The following ECD variants were observed in gnomAD, a reference collection of about 807,000 sequenced individuals.
ECD encodes ecdysoneless cell cycle regulator.
A neutral mutation model predicts 77.2 loss-of-function variants in ECD; 59 were observed. The observed-to-expected ratio is 0.76, with a 90% CI of 0.62 to 0.95. The LOEUF is 0.95. ECD is among the 40% of genes least tolerant of loss of function. The pLI is 0.00. For missense variants in ECD, 704 were observed against 763.4 expected (o/e 0.92, Z 0.92); for synonymous variants, 233 against 267.4 (o/e 0.87, Z 1.26).
chr10:73,146,004 T>C (rs1469321139), intron 9 of ECD, among the ~76,000 whole-genome samples: 1 of 151,834 alleles, frequency 6.6e-6, no homozygotes, highest in Non-Finnish European at 1.5e-5. Flanking sequence ...GAAAATGTGA[T>C]ATCATGATGA....
chr10:73,166,183 G>T (rs1239314049), intron 1 of ECD, among the ~76,000 whole-genome samples: 3 of 151,548 alleles, frequency 2.0e-5, no homozygotes, highest in Non-Finnish European at 4.4e-5. Context: ...TGGCTGAAAA[G>T]CACTCCATTG....
In ECD at chr10:73,157,199, G is replaced by A. The variant is rs142148811; in HGVS notation, c.324-544C>T. Among the ~76,000 whole-genome samples, 1,109 of 151,444 alleles carry A rather than the reference G, an allele frequency of 7.3e-3. 21 individuals are homozygous for A. The highest frequency in any genetic ancestry group is 0.025 in the African/African-American group (1,030 of 41,260). Reference sequence around the variant, plus strand: ...TGAGTAGTTGGGATTACAAGTGCCCGCCATCATGCCCAGCTAATTTTTGTA... The same window carrying A: ...TGAGTAGTTGGGATTACAAGTGCCCACCATCATGCCCAGCTAATTTTTGTA... On this transcript the variant is annotated intron_variant, in intron 3 of 13. Coordinates refer to ENST00000372979, the MANE Select transcript of ECD (RefSeq NM_007265.3).
Position 73,163,962 on chromosome 10 carries a change from G to T in ECD, c.-13-12C>A. ...TTCTTCTTTGAAAACTATGTTTAAA[G>T]TTCCAAAATATAAACCACATAGAAC... On this transcript the variant is annotated splice_polypyrimidine_tract_variant and intron_variant, in intron 1 of 13. Coordinates refer to ENST00000372979, the MANE Select transcript of ECD (RefSeq NM_007265.3). 1 of 1,609,458 alleles carries T rather than the reference G, an allele frequency of 6.2e-7. No homozygotes were observed. Among genetic ancestry groups the T allele is most frequent in the Middle Eastern group, 1.7e-4 (1 of 6,050 alleles).
In ECD at chr10:73,137,997, A is replaced by C. The variant is rs1277166031; in HGVS notation, c.1489+6T>G. On this transcript the variant is annotated splice_donor_region_variant and intron_variant, in intron 12 of 13. Coordinates refer to ENST00000372979, the MANE Select transcript of ECD (RefSeq NM_007265.3). ...AAATGAAAGTCAACATCACACCACT[A>C]CTTACCTAAAATCTTATCAAAATAA... 6.3e-7 allele frequency: 1 copy of C among 1,586,082 alleles called. No individual in the cohort carries two copies. Among genetic ancestry groups the C allele is most frequent in the African/African-American group, 1.4e-5 (1 of 72,680 alleles).
chr10:73,152,488 G>T, intron 6 of ECD, 67 bp from the exon 7 acceptor site: 1 of 1,507,964 alleles, frequency 6.6e-7, no homozygotes, highest in Non-Finnish European at 9.1e-7. Flanking sequence ...ACACTTCACA[G>T]TTAAATATAA....
intron 2 of ECD, among the ~76,000 whole-genome samples, chr10:73,162,774 A>G (rs943693821): frequency 1.3e-5 from 2 of 152,292 alleles, no homozygotes; most frequent in Non-Finnish European, 2.9e-5. Context: ...ATAAGAAATG[A>G]TAGAACTGTA....
chr10:73,136,010 T>TA (rs1842970623), intron 13 of ECD, among the ~76,000 whole-genome samples: 2 of 152,194 alleles, frequency 1.3e-5, no homozygotes, highest in African/African-American at 2.4e-5. Flanking sequence ...TACTGCTGTC[T>TA]AATTTGGTTC....
chr10:73,156,375 G>C lies in ECD; in HGVS notation c.490C>G (p.Pro164Ala). Residue 164 changes from proline (P) to alanine (A), a missense_variant, in exon 5 of 14, where the codon CCC becomes GCC. This residue lies in a region of ECD where 559 missense variants were observed against 583.7 expected (regional missense o/e 0.96). Coordinates refer to ENST00000372979, the MANE Select transcript of ECD (RefSeq NM_007265.3). Reference protein sequence around the residue: ...SGAESWLPTTPPTIPQALNII... With the variant: ...SGAESWLPTTAPTIPQALNII... Reference sequence around the variant, plus strand: ...TTCAATGCTTGTGGAATTGTTGGGGGTGTGGTGGGTAACCAAGATTCTGCT... The same window carrying C: ...TTCAATGCTTGTGGAATTGTTGGGGCTGTGGTGGGTAACCAAGATTCTGCT... 6.2e-7 allele frequency: 1 copy of C among 1,613,674 alleles called. No individual in the cohort carries two copies. Among genetic ancestry groups the C allele is most frequent in the Non-Finnish European group, 8.5e-7 (1 of 1,179,910 alleles).
intron 2 of ECD, among the ~76,000 whole-genome samples, chr10:73,161,221 A>G (rs1262132817): frequency 6.6e-6 from 1 of 152,088 alleles, no homozygotes; most frequent in Non-Finnish European, 1.5e-5. Flanking sequence ...AATAATAAAC[A>G]TTACAGCAGA....
rs1199698657 is a variant in ECD, at chr10:73,152,298, T to C, written c.907A>G (p.Lys303Glu). 1 of 1,612,800 alleles carries C rather than the reference T, an allele frequency of 6.2e-7. No homozygotes were observed. Among genetic ancestry groups the C allele is most frequent in the Non-Finnish European group, 8.5e-7 (1 of 1,178,980 alleles). The part of the protein sequence containing the change: ...PQYRAHELGM[K>E]LAHGFEILCS... ...ATTTTCTGGTTCAACATTACCAATT[T>C]CATGCCCAATTCATGGGCTCGGTAC... Residue 303 changes from lysine (K) to glutamate (E), a missense_variant, in exon 7 of 14, where the codon AAA becomes GAA. Physicochemically the swap from Lys to Glu is moderately conservative, Grantham distance 56. This residue lies in a region of ECD where 559 missense variants were observed against 583.7 expected (regional missense o/e 0.96). Coordinates refer to ENST00000372979, the MANE Select transcript of ECD (RefSeq NM_007265.3).
chr10:73,150,666 AC>A (rs1433642433), intron 7 of ECD, among the ~76,000 whole-genome samples: 3 of 152,218 alleles, frequency 2.0e-5, no homozygotes, highest in Non-Finnish European at 4.4e-5. Flanking sequence ...AAGAACTTAA[AC>A]AAATTTACAA....
intron 8 of ECD, among the ~76,000 whole-genome samples, chr10:73,147,345 C>G (rs1843143852): frequency 1.3e-5 from 2 of 151,750 alleles, no homozygotes; most frequent in Non-Finnish European, 2.9e-5. Context: ...GTCAGGAGTC[C>G]GAGACCAGCC....
In ECD at chr10:73,160,502, A is replaced by C. The variant is rs762957194; in HGVS notation, c.255T>G (p.Ile85Met). ...CATAAACAATAAACCATTCATCCTC[A>C]ATGTTATCCCCAAACTTTGTCACGC... ...MFGVTKFGDN[I>M]EDEWFIVYVI... The change falls in exon 3 of 14, where the codon ATT becomes ATG. Residue 85 changes from isoleucine (I) to methionine (M), a missense_variant. This residue lies in a region of ECD where 559 missense variants were observed against 583.7 expected (regional missense o/e 0.96). Coordinates refer to ENST00000372979, the MANE Select transcript of ECD (RefSeq NM_007265.3). 6.2e-7 allele frequency: 1 copy of C among 1,611,904 alleles called. No homozygotes were observed. The highest frequency in any genetic ancestry group is 8.5e-7 in the Non-Finnish European group (1 of 1,179,214).
At position 73,133,790 on chromosome 10, in the gene ECD, T is replaced by C. The variant is rs1842948447; in HGVS notation, c.*793A>G. The C allele has an allele frequency of 6.6e-6, 1 of 152,180 alleles. No homozygotes were observed. The highest frequency in any genetic ancestry group is 2.4e-5 in the African/African-American group (1 of 41,448). 9.4% of individuals were successfully genotyped at this position (152,180 alleles called of 1,614,324 possible). On this transcript the variant is annotated 3_prime_UTR_variant, in exon 14 of 14. Transcript: ENST00000372979. ...ATCTTAGCAAAAGATATATCAGTTATATTAAATATCAAACCAATTAATTAA... is the reference window on the plus strand; with the variant it reads ...ATCTTAGCAAAAGATATATCAGTTACATTAAATATCAAACCAATTAATTAA...
In ECD at chr10:73,154,371, T is replaced by C; in HGVS notation, c.668A>G (p.Gln223Arg). The change falls in exon 6 of 14, where the codon CAG (glutamine) becomes CGG (arginine). Residue 223 changes from glutamine (Q) to arginine (R), a missense_variant. This residue lies in a region of ECD where 559 missense variants were observed against 583.7 expected (regional missense o/e 0.96). Coordinates refer to ENST00000372979, the MANE Select transcript of ECD (RefSeq NM_007265.3). ...LPAGIVAVLK[Q>R]RPRLVAAAVQ... ...TGCTGCAGCCACCAATCTGGGGCGC[T>C]GCTTTAGCACTGCCACAATGCCAGC... 6.2e-7 allele frequency: 1 copy of C among 1,614,172 alleles called. No individual in the cohort carries two copies. The highest frequency in any genetic ancestry group is 8.5e-7 in the Non-Finnish European group (1 of 1,180,044).
chr10:73,163,861 C>T lies in ECD; in HGVS notation c.77G>A (p.Arg26Lys). The change falls in exon 2 of 14, where the codon AGG (arginine) becomes AAG (lysine). Residue 26 changes from arginine (R) to lysine (K), a missense_variant. Physicochemically the swap from Arg to Lys is conservative, Grantham distance 26 (BLOSUM62 2). Transcript: ENST00000372979. ...AATCTCTTTATGTTTATCTGAGTCC[C>T]TTGACTCATCTGGTATCAGGAACAG... is the stretch of plus-strand genomic sequence containing the variant. The part of the protein sequence containing the change: ...YCLFLIPDES[R>K]DSDKHKEILQ... 6.2e-7 allele frequency: 1 copy of T among 1,614,008 alleles called. No homozygotes were observed. The highest frequency in any genetic ancestry group is 1.6e-4 in the Middle Eastern group (1 of 6,062).
Position 73,136,757 on chromosome 10 carries a change from G to C in ECD, c.1651C>G (p.Gln551Glu). The C allele has an allele frequency of 6.2e-7, 1 of 1,613,974 alleles. No homozygotes were observed. Among genetic ancestry groups the C allele is most frequent in the Non-Finnish European group, 8.5e-7 (1 of 1,179,970 alleles). Residue 551 changes from glutamine to glutamate, a missense_variant, in exon 13 of 14, where the codon CAG becomes GAG. Transcript: ENST00000372979. ...NLKSYMAQMD[Q>E]ELAHTCISKS... The stretch of plus-strand genomic sequence containing the variant: ...CTGATGCAGGTGTGTGCTAGTTCCT[G>C]GTCCATCTGGGCCATGTATGACTTG...
intron 3 of ECD, among the ~76,000 whole-genome samples, chr10:73,159,189 G>T (rs995823654): frequency 2.4e-4 from 37 of 152,226 alleles, no homozygotes; most frequent in South Asian, 1.4e-3. Flanking sequence ...ATCAGAATTT[G>T]GGTGCTGACT....
rs1452754466 is a variant in ECD at position 73,138,066 on chromosome 10, G to T, written c.1426C>A (p.Pro476Thr). Residue 476 changes from proline (P) to threonine (T), a missense_variant, in exon 12 of 14, where the codon CCT becomes ACT. By Grantham distance (38) the Pro-to-Thr change is conservative. This residue lies in a region of ECD where 559 missense variants were observed against 583.7 expected (regional missense o/e 0.96). Coordinates refer to ENST00000372979, the MANE Select transcript of ECD (RefSeq NM_007265.3). ...THKGAELPRE[P>T]SEAPITFDAD... is the part of the protein sequence containing the mutation. ...TCAAAAGTGATTGGAGCCTCAGAAG[G>T]TTCTCTGCAATATTAAAGGACAAAG... The T allele has an allele frequency of 5.0e-6, 8 of 1,590,394 alleles. No individual in the cohort carries two copies. Among genetic ancestry groups the T allele is most frequent in the South Asian group, 2.3e-5 (2 of 85,916 alleles).
Sources: gnomAD v4.1 joint callset for allele counts (sites outside exome capture counted in the v4.1 genomes callset) on GRCh38, gnomAD v4.1.1 for gene constraint, gnomAD v4.1.1 regional missense constraint, MANE v1.5 for transcripts, NCBI Gene and HGNC (gene_info 2026-07-23, HGNC 2026-07-21) for gene names.